Variants in FGGY observed in about 807,000 individuals in gnomAD.
The protein encoded by FGGY is FGGY carbohydrate kinase domain-containing protein.
In FGGY, 72 loss-of-function variants were observed where a neutral mutation model predicts 71.3. That is an observed-to-expected ratio of 1.01 (90% CI 0.84 to 1.23). The LOEUF (loss-of-function observed/expected upper bound fraction) is 1.23. Ranked by LOEUF, FGGY falls within the 50% of genes most tolerant of loss-of-function variation. FGGY has a pLI of 0.00. For synonymous variants in FGGY, 251 were observed against 250.3 expected (o/e 1.00, Z -0.02); for missense variants, 668 against 682.3 (o/e 0.98, Z 0.23).
intron 14 of FGGY, among the ~76,000 whole-genome samples, chr1:59,709,782 C>A (rs2097781157): frequency 6.6e-6 from 1 of 152,206 alleles, no homozygotes; most frequent in South Asian, 2.1e-4. Context: ...AGGTCCCTGA[C>A]CAGGGACAGG....
At position 59,456,250 on chromosome 1, in the gene FGGY, A is replaced by G. The variant is rs1048047453; in HGVS notation, c.555-711A>G. Among the ~76,000 whole-genome samples, 6 of 152,230 alleles carry G rather than the reference A, an allele frequency of 3.9e-5. No homozygotes were observed. In the South Asian group the frequency reaches 1.2e-3, roughly 32 times the overall value. On this transcript the variant is annotated intron_variant, in intron 5 of 15. Coordinates refer to ENST00000303721, the MANE Select transcript of FGGY (RefSeq NM_018291.5). ...TGTATCTTATACAAACATTTTCAGTATGTATCTCTAAATGATAAGGAGCCT... is the reference window on the plus strand; with the variant it reads ...TGTATCTTATACAAACATTTTCAGTGTGTATCTCTAAATGATAAGGAGCCT...
intron 7 of FGGY, among the ~76,000 whole-genome samples, chr1:59,534,435 A>G (rs1041720409): frequency 2.0e-4 from 31 of 152,314 alleles, no homozygotes; most frequent in Non-Finnish European, 4.1e-4. Flanking sequence ...GAACTCCCCC[A>G]ATCTAGCAAG....
chr1:59,408,034 A>G (rs1447307730), intron 5 of FGGY, among the ~76,000 whole-genome samples: 1 of 152,196 alleles, frequency 6.6e-6, no homozygotes, highest in Non-Finnish European at 1.5e-5. Flanking sequence ...CTTTGTTCTC[A>G]TAAGTAATAC....
At chr1:59,468,465 A>G (rs2092762270) in intron 6 of FGGY, among the ~76,000 whole-genome samples, 1 of 152,218 alleles carries the variant, frequency 6.6e-6, no homozygotes, top group Non-Finnish European at 1.5e-5. Flanking sequence ...GAAGGAAAAC[A>G]AGAATTAATC....
chr1:59,667,205 G>T, intron 12 of FGGY, 78 bp from the exon 13 acceptor site: 2 of 1,533,774 alleles, frequency 1.3e-6, no homozygotes, highest in South Asian at 1.1e-5. Flanking sequence ...GTCTAGCACT[G>T]AGTAGACATT....
At chr1:59,578,715 G>C (rs1455451165) in intron 8 of FGGY, among the ~76,000 whole-genome samples, 1 of 152,022 alleles carries the variant, frequency 6.6e-6, no homozygotes, top group Non-Finnish European at 1.5e-5. Flanking sequence ...AATTTACCAA[G>C]GAGAAGAGAA....
intron 4 of FGGY, among the ~76,000 whole-genome samples, chr1:59,355,549 ATTTT>A (rs112884353): frequency 6.8e-6 from 1 of 147,568 alleles, no homozygotes; most frequent in African/African-American, 2.5e-5. Flanking sequence ...TGAGCAAGGG[ATTTT>A]TTTTTTTTCT....
At chr1:59,579,971 A>T (rs1284557255) in intron 8 of FGGY, among the ~76,000 whole-genome samples, 1 of 152,120 alleles carries the variant, frequency 6.6e-6, no homozygotes, top group East Asian at 1.9e-4. Flanking sequence ...TTCATGTAAG[A>T]TAGCAAGCAC....
Position 59,663,569 on chromosome 1 carries a change from A to C in FGGY, c.1296+3276A>C, listed in dbSNP as rs185602085. Among the ~76,000 whole-genome samples, 1,017 of 152,286 alleles carry C rather than the reference A, an allele frequency of 6.7e-3. 8 individuals carry two copies. The highest frequency in any genetic ancestry group is 0.011 in the Non-Finnish European group (733 of 68,010). On this transcript the variant is annotated intron_variant, in intron 12 of 15. Transcript: ENST00000303721. ...CAAGTACCACACACTTGGAAAATCA[A>C]TCTTGTATTTAATGGGCCGTACATG... is the stretch of plus-strand genomic sequence containing the variant.
chr1:59,430,568 C>G (rs2067169595), intron 5 of FGGY, among the ~76,000 whole-genome samples: 1 of 152,084 alleles, frequency 6.6e-6, no homozygotes, highest in Non-Finnish European at 1.5e-5. Context: ...CATAAGGGCC[C>G]ATTTTCCTCT....
chr1:59,308,580 G>C (rs896369972), intron 1 of FGGY, among the ~76,000 whole-genome samples: 4 of 152,054 alleles, frequency 2.6e-5, no homozygotes, highest in Admixed American at 1.3e-4. Flanking sequence ...GCATCCATCG[G>C]AATCACCTGG....
chr1:59,730,073 G>A (rs1370380701), intron 14 of FGGY, among the ~76,000 whole-genome samples: 1 of 152,132 alleles, frequency 6.6e-6, no homozygotes, highest in East Asian at 1.9e-4. Context: ...CACTAAGACT[G>A]TTACCCTCAG....
chr1:59,372,270 A>G (rs1001520037), intron 4 of FGGY, among the ~76,000 whole-genome samples: 5 of 152,248 alleles, frequency 3.3e-5, no homozygotes, highest in African/African-American at 1.2e-4. Context: ...ATCAGAGAAT[A>G]CTACAAACAC....
intron 5 of FGGY, among the ~76,000 whole-genome samples, chr1:59,415,693 T>C (rs2064277691): frequency 6.6e-6 from 1 of 152,202 alleles, no homozygotes; most frequent in Non-Finnish European, 1.5e-5. Context: ...TCTCCACCAC[T>C]AGACTGTGGT....
intron 9 of FGGY, among the ~76,000 whole-genome samples, chr1:59,617,138 T>A (rs527266641): frequency 6.6e-6 from 1 of 152,112 alleles, no homozygotes; most frequent in East Asian, 1.9e-4. Context: ...TCTGAAGGTG[T>A]CTGCTCCAGT....
chr1:59,374,257 A>G (rs777471131), intron 4 of FGGY, among the ~76,000 whole-genome samples: 7 of 152,218 alleles, frequency 4.6e-5, no homozygotes, highest in Non-Finnish European at 1.0e-4. Context: ...ATGAACAGAC[A>G]CTTCTCAAAA....
At chr1:59,692,448 G>A (rs1025963996) in intron 14 of FGGY, among the ~76,000 whole-genome samples, 1 of 152,154 alleles carries the variant, frequency 6.6e-6, no homozygotes, top group Non-Finnish European at 1.5e-5. Context: ...CATGATTGGA[G>A]AGCTAATAAG....
At chr1:59,546,528 T>C (rs1360779906) in intron 7 of FGGY, among the ~76,000 whole-genome samples, 1 of 101,788 alleles carries the variant, frequency 9.8e-6, no homozygotes, top group Non-Finnish European at 1.9e-5. Context: ...ATGATGATGA[T>C]GATGATGATT....
intron 8 of FGGY, among the ~76,000 whole-genome samples, chr1:59,586,782 T>G (rs566498094): frequency 6.6e-6 from 1 of 152,286 alleles, no homozygotes; most frequent in South Asian, 2.1e-4. Context: ...ATTGAAGGAC[T>G]TCTTAGAGAA....
Sources: allele counts gnomAD v4.1 joint callset (sites outside exome capture counted in the v4.1 genomes callset), GRCh38; gene constraint gnomAD v4.1.1; transcripts MANE v1.5; gene names NCBI Gene and HGNC (gene_info 2026-07-23, HGNC 2026-07-21).